Variants in USH2A observed in about 807,000 individuals in gnomAD.
USH2A encodes the protein Usher syndrome 2A (autosomal recessive, mild).
USH2A carries 443 observed loss-of-function variants against 538.9 expected under a neutral mutation model. The observed-to-expected ratio is 0.82, with a 90% confidence interval of 0.76 to 0.89. The LOEUF (loss-of-function observed/expected upper bound fraction) is 0.89, where lower values mean the gene tolerates loss of function less well. Among genes scored for constraint, USH2A ranks in the 40% least tolerant of loss-of-function variants. USH2A has a pLI of 0.00. For synonymous variants in USH2A, 2,413 were observed against 2,273.5 expected (o/e 1.06, Z -1.75); for missense variants, 6,633 against 6,324.8 (o/e 1.05, Z -1.65).
intron 14 of USH2A, among the ~76,000 whole-genome samples, chr1:216,220,123 A>G (rs1403887588): frequency 6.6e-6 from 1 of 152,022 alleles, no homozygotes; most frequent in African/African-American, 2.4e-5. Context: ...AATGCACATC[A>G]TTGTCAGAAA....
At chr1:216,215,446 T>C (rs1436161470) in intron 15 of USH2A, among the ~76,000 whole-genome samples, 1 of 152,082 alleles carries the variant, frequency 6.6e-6, no homozygotes, top group Non-Finnish European at 1.5e-5. Context: ...ACAAGTACCA[T>C]GTGAAAATCA....
chr1:216,415,829 A>G (rs1241552171), intron 3 of USH2A, among the ~76,000 whole-genome samples: 2 of 151,910 alleles, frequency 1.3e-5, no homozygotes, highest in East Asian at 3.9e-4. Context: ...CCTGGCCTCC[A>G]TTATTTCTTA....
chr1:216,167,039 C>T (rs1369822398), intron 21 of USH2A, among the ~76,000 whole-genome samples: 1 of 152,080 alleles, frequency 6.6e-6, no homozygotes, highest in Admixed American at 6.6e-5. Flanking sequence ...GGAAACTGCT[C>T]ATCAGTCAAG....
chr1:215,629,449 T>C (rs1372597649), intron 70 of USH2A, among the ~76,000 whole-genome samples: 1 of 151,984 alleles, frequency 6.6e-6, no homozygotes. Flanking sequence ...AGAACACTCC[T>C]CCCCCAGAAC....
chr1:216,270,480 T>C (rs1299852807), intron 11 of USH2A, among the ~76,000 whole-genome samples: 1 of 152,160 alleles, frequency 6.6e-6, no homozygotes, highest in Admixed American at 6.5e-5. Flanking sequence ...ACTCCTCTTC[T>C]TCCTTTCTGG....
chr1:216,249,652 G>A (rs1046652781), intron 12 of USH2A, among the ~76,000 whole-genome samples: 1 of 152,064 alleles, frequency 6.6e-6, no homozygotes, highest in South Asian at 2.1e-4. Flanking sequence ...AGATTTTCAT[G>A]TAATGTTTCT....
chr1:216,317,363 C>T (rs772489999), intron 9 of USH2A, among the ~76,000 whole-genome samples: 4 of 151,886 alleles, frequency 2.6e-5, no homozygotes, highest in Admixed American at 6.6e-5. Flanking sequence ...GGACACATGT[C>T]GGGGAACAAC....
At chr1:216,062,765 A>G (rs1205241676) in intron 30 of USH2A, among the ~76,000 whole-genome samples, 1 of 152,188 alleles carries the variant, frequency 6.6e-6, no homozygotes, top group African/African-American at 2.4e-5. Context: ...AATGAGGAAG[A>G]CAACCTAGGA....
chr1:215,710,297 A>G (rs1384670864), intron 61 of USH2A, among the ~76,000 whole-genome samples: 1 of 152,224 alleles, frequency 6.6e-6, no homozygotes, highest in Non-Finnish European at 1.5e-5. Context: ...AATTCAAACC[A>G]AAGCACGTAG....
Position 215,993,027 on chromosome 1 carries a change from ATAT to A in USH2A, c.6795_6797del (p.Glu2265_Tyr2266delinsAsp), listed in dbSNP as rs727503723. The A allele has an allele frequency of 1.5e-5, 24 of 1,613,994 alleles. No individual in the cohort carries two copies. Among genetic ancestry groups the A allele is most frequent in the Non-Finnish European group, 2.0e-5 (24 of 1,179,978 alleles). Reference sequence around the variant, plus strand: ...CTAAAAGAGTTCACTTACCATTCGGATATTCAGGCTCAGTCCAGGAGACATTAA... The same window carrying A: ...CTAAAAGAGTTCACTTACCATTCGGATCAGGCTCAGTCCAGGAGACATTAA... On this transcript the variant is annotated inframe_deletion, in exon 35 of 72. Coordinates refer to ENST00000307340, the MANE Select transcript of USH2A (RefSeq NM_206933.4).
At chr1:215,875,926 GATT>G (rs1180532482) in intron 43 of USH2A, among the ~76,000 whole-genome samples, 3 of 116,456 alleles carry the variant, frequency 2.6e-5, no homozygotes, top group Admixed American at 2.1e-4. Flanking sequence ...AATATATATT[GATT>G]ATTATATATA....
intron 21 of USH2A, among the ~76,000 whole-genome samples, chr1:216,116,765 T>C (rs1261892333): frequency 1.3e-5 from 2 of 152,032 alleles, no homozygotes; most frequent in Non-Finnish European, 2.9e-5. Context: ...TACAGAAGAA[T>C]CCTGCCTTAA....
intron 22 of USH2A, among the ~76,000 whole-genome samples, chr1:216,094,191 A>G (rs927348988): frequency 6.6e-6 from 1 of 151,558 alleles, no homozygotes; most frequent in African/African-American, 2.4e-5. Context: ...TCTTTTTCTG[A>G]TTTTTGTTGA....
intron 11 of USH2A, among the ~76,000 whole-genome samples, chr1:216,274,665 A>G (rs368325915): frequency 7.8e-4 from 119 of 152,248 alleles, no homozygotes; most frequent in Non-Finnish European, 1.3e-3. Flanking sequence ...AATAAAGTAC[A>G]TCATAATACT....
chr1:216,095,293 G>T (rs937228692), intron 22 of USH2A, among the ~76,000 whole-genome samples: 5 of 152,002 alleles, frequency 3.3e-5, no homozygotes, highest in Non-Finnish European at 7.4e-5. Flanking sequence ...TATTTTGAGA[G>T]ATTTCTTCAA....
intron 11 of USH2A, among the ~76,000 whole-genome samples, chr1:216,254,871 G>A (rs1339414642): frequency 6.6e-6 from 1 of 152,164 alleles, no homozygotes; most frequent in East Asian, 1.9e-4. Flanking sequence ...AATTTTTATT[G>A]TTTTTAGCCA....
At chr1:216,032,036 G>A (rs1280043691) in intron 32 of USH2A, among the ~76,000 whole-genome samples, 1 of 152,116 alleles carries the variant, frequency 6.6e-6, no homozygotes, top group Non-Finnish European at 1.5e-5. Flanking sequence ...ATTCTATTTA[G>A]TTTTATGTAT....
intron 16 of USH2A, among the ~76,000 whole-genome samples, chr1:216,205,263 T>A (rs1210186138): frequency 6.6e-6 from 1 of 152,198 alleles, no homozygotes; most frequent in Non-Finnish European, 1.5e-5. Flanking sequence ...TCTTTCTCTG[T>A]CACAAAAGTT....
chr1:216,338,125 A>C (rs2038008784), intron 4 of USH2A, among the ~76,000 whole-genome samples: 1 of 151,454 alleles, frequency 6.6e-6, no homozygotes, highest in African/African-American at 2.4e-5. Flanking sequence ...TCCAATAAAA[A>C]ATCTCAATAA....
Sources: allele counts gnomAD v4.1 joint callset (sites outside exome capture counted in the v4.1 genomes callset), GRCh38; gene constraint gnomAD v4.1.1; transcripts MANE v1.5; gene names NCBI Gene and HGNC (gene_info 2026-07-23, HGNC 2026-07-21).